STX8: variants seen among roughly 807,000 people sequenced by gnomAD.
The protein encoded by STX8 is syntaxin-8.
Under a neutral mutation model 37.5 loss-of-function variants are expected in STX8, and 23 were observed. That is an observed-to-expected ratio of 0.61 (90% CI 0.44 to 0.87). The LOEUF is 0.87. Ranked by LOEUF, STX8 falls within the 40% of genes least tolerant of loss-of-function variation. The pLI is 0.00. For synonymous variants in STX8, 115 were observed against 99.1 expected (o/e 1.16, Z -0.95); for missense variants, 313 against 284.7 (o/e 1.10, Z -0.71).
At chr17:9,461,491 T>C (rs1054941195) in intron 6 of STX8, among the ~76,000 whole-genome samples, 2 of 152,142 alleles carry the variant, frequency 1.3e-5, no homozygotes, top group Admixed American at 6.5e-5. Context: ...CAAGAAGAGA[T>C]AGTCTTGACT....
At position 9,271,762 on chromosome 17, in the gene STX8, A is replaced by G. The variant is rs550938023; in HGVS notation, c.644-21117T>C. Among the ~76,000 whole-genome samples, 8 of 151,976 alleles carry G rather than the reference A, an allele frequency of 5.3e-5. No homozygotes were observed. The East Asian group carries it at 1.5e-3, about 29-fold the overall frequency. On this transcript the variant is annotated intron_variant, in intron 7 of 7. Transcript: ENST00000306357. ...AGACTCCATCTCAAAAAAAAAAAAA[A>G]AAAAAAGAAAGAAAGAAATTCAACT...
chr17:9,389,754 T>G (rs1174224166), intron 6 of STX8, among the ~76,000 whole-genome samples: 1 of 143,692 alleles, frequency 7.0e-6, no homozygotes, highest in African/African-American at 2.7e-5. Context: ...TAATAATATT[T>G]GAAGACAAAT....
intron 4 of STX8, among the ~76,000 whole-genome samples, chr17:9,536,174 C>T (rs1177075553): frequency 6.6e-6 from 1 of 152,156 alleles, no homozygotes; most frequent in African/African-American, 2.4e-5. Context: ...GATTTCTTAG[C>T]CATATGAATT....
At chr17:9,367,919 C>G (rs907700896) in intron 7 of STX8, among the ~76,000 whole-genome samples, 1 of 152,030 alleles carries the variant, frequency 6.6e-6, no homozygotes, top group African/African-American at 2.4e-5. Context: ...TTAGTACAGA[C>G]GGGGTTTTTG....
chr17:9,250,743 C>T, intron 7 of STX8, 98 bp from the exon 8 acceptor site: 7 of 1,259,022 alleles, frequency 5.6e-6, no homozygotes, highest in Non-Finnish European at 7.8e-6. Context: ...GATGTAGTTC[C>T]CTCTGAGCCT....
intron 7 of STX8, among the ~76,000 whole-genome samples, chr17:9,335,644 G>C (rs966002994): frequency 3.3e-5 from 5 of 151,830 alleles, no homozygotes; most frequent in Admixed American, 3.3e-4. Flanking sequence ...GTTCTTTATG[G>C]TACCATTTTT....
chr17:9,348,106 ATTTCTT>A (rs1910590317), intron 7 of STX8, among the ~76,000 whole-genome samples: 1 of 152,096 alleles, frequency 6.6e-6, no homozygotes, highest in Non-Finnish European at 1.5e-5. Context: ...GACAGGTGGT[ATTTCTT>A]TTACATATGA....
chr17:9,335,859 G>A (rs1597611653), intron 7 of STX8, among the ~76,000 whole-genome samples: 1 of 103,400 alleles, frequency 9.7e-6, no homozygotes, highest in Non-Finnish European at 2.1e-5. Flanking sequence ...TCACACTCAC[G>A]TAAATATACT....
At chr17:9,461,916 T>C (rs1321664493) in intron 6 of STX8, among the ~76,000 whole-genome samples, 1 of 152,098 alleles carries the variant, frequency 6.6e-6, no homozygotes, top group African/African-American at 2.4e-5. Flanking sequence ...CAACCTAGAT[T>C]TCCCTTGTAT....
intron 6 of STX8, among the ~76,000 whole-genome samples, chr17:9,385,814 C>A (rs1911981332): frequency 1.3e-5 from 2 of 152,224 alleles, no homozygotes. Flanking sequence ...TATTACCACC[C>A]TGGAGCTGGA....
At chr17:9,429,125 A>G (rs905200904) in intron 6 of STX8, among the ~76,000 whole-genome samples, 10 of 151,906 alleles carry the variant, frequency 6.6e-5, no homozygotes, top group African/African-American at 1.9e-4. Flanking sequence ...TGGGGTTTTT[A>G]AAACAGTTTT....
intron 6 of STX8, among the ~76,000 whole-genome samples, chr17:9,488,135 T>C (rs909980719): frequency 3.9e-5 from 6 of 152,116 alleles, no homozygotes; most frequent in Non-Finnish European, 5.9e-5. Flanking sequence ...GAAAACAGCC[T>C]GGCCAACAGG....
chr17:9,478,617 T>C (rs1291464039), intron 6 of STX8, among the ~76,000 whole-genome samples: 1 of 152,232 alleles, frequency 6.6e-6, no homozygotes, highest in African/African-American at 2.4e-5. Context: ...AAATACCTTA[T>C]AGTTTTCAGG....
At chr17:9,403,700 C>A (rs1228853688) in intron 6 of STX8, among the ~76,000 whole-genome samples, 1 of 151,714 alleles carries the variant, frequency 6.6e-6, no homozygotes, top group Non-Finnish European at 1.5e-5. Context: ...AGGCTGGAGT[C>A]CAGTGGCACG....
At chr17:9,418,526 A>C (rs1015648345) in intron 6 of STX8, among the ~76,000 whole-genome samples, 4 of 150,236 alleles carry the variant, frequency 2.7e-5, no homozygotes, top group African/African-American at 9.9e-5. Flanking sequence ...TAAAAAAAAA[A>C]AAAAACAAAA....
chr17:9,414,123 C>CACCCACATACCCATCTGTCCATCCATCA (rs1913091724), intron 6 of STX8, among the ~76,000 whole-genome samples: 4 of 90,952 alleles, frequency 4.4e-5, no homozygotes, highest in South Asian at 4.3e-4. Flanking sequence ...TCCATCCATC[C>CACCCACATACCCATCTGTCCATCCATCA]ATCCAACCAT....
intron 1 of STX8, among the ~76,000 whole-genome samples, chr17:9,572,823 A>G (rs537259605): frequency 6.6e-6 from 1 of 152,116 alleles, no homozygotes; most frequent in Admixed American, 6.6e-5. Context: ...CAATAGTCCA[A>G]TGAGAAAGCC....
At chr17:9,426,102 C>T (rs140463740) in intron 6 of STX8, among the ~76,000 whole-genome samples, 1 of 152,144 alleles carries the variant, frequency 6.6e-6, no homozygotes, top group Admixed American at 6.6e-5. Context: ...CCCAAAAATG[C>T]TGAATTTCAA....
At chr17:9,393,997 T>G (rs753144018) in intron 6 of STX8, among the ~76,000 whole-genome samples, 1 of 152,038 alleles carries the variant, frequency 6.6e-6, no homozygotes, top group Non-Finnish European at 1.5e-5. Flanking sequence ...GAATTAAAAT[T>G]TAAAAATATA....
Sources: gnomAD v4.1 joint callset for allele counts (sites outside exome capture counted in the v4.1 genomes callset) on GRCh38, gnomAD v4.1.1 for gene constraint, MANE v1.5 for transcripts, NCBI Gene and HGNC (gene_info 2026-07-23, HGNC 2026-07-21) for gene names.